The following CHD1 variants were observed in gnomAD, a reference collection of about 807,000 sequenced individuals.
CHD1 encodes chromodomain helicase DNA binding protein 1.
CHD1 carries 36 observed loss-of-function variants against 224.2 expected under a neutral mutation model. The ratio of observed to expected loss-of-function variants is 0.16; its 90% CI spans 0.12 to 0.21. The LOEUF (loss-of-function observed/expected upper bound fraction) is 0.21. Ranked by LOEUF, CHD1 falls within the 10% of genes least tolerant of loss-of-function variation. The pLI is 1.00. For missense variants in CHD1, 1,378 were observed against 1,994.8 expected (o/e 0.69, Z 5.89); for synonymous variants, 668 against 658.3 (o/e 1.01, Z -0.23).
intron 2 of CHD1, among the ~76,000 whole-genome samples, chr5:98,919,000 T>A (rs969939060): frequency 6.6e-6 from 1 of 152,344 alleles, no homozygotes; most frequent in South Asian, 2.1e-4. Context: ...ATATTTAAAC[T>A]GGCTATTCCA....
At chr5:98,917,077 C>G (rs1752778886) in intron 2 of CHD1, among the ~76,000 whole-genome samples, 1 of 152,082 alleles carries the variant, frequency 6.6e-6, no homozygotes, top group Non-Finnish European at 1.5e-5. Flanking sequence ...TTACTTCACT[C>G]TTCTCCAATG....
intron 1 of CHD1, among the ~76,000 whole-genome samples, chr5:98,927,267 A>G (rs180978780): frequency 6.6e-6 from 1 of 152,344 alleles, no homozygotes; most frequent in Admixed American, 6.5e-5. Context: ...CCACCTTTAA[A>G]GATTTCAGTA....
intron 11 of CHD1, among the ~76,000 whole-genome samples, 180 bp downstream of exon 11, chr5:98,897,013 T>C (rs1182057676): frequency 6.6e-6 from 1 of 152,144 alleles, no homozygotes; most frequent in African/African-American, 2.4e-5. Flanking sequence ...AAACTCCAAC[T>C]CCACTGGATT....
At chr5:98,912,693 TAAAG>T (rs765984341) in intron 2 of CHD1, among the ~76,000 whole-genome samples, 40 of 152,002 alleles carry the variant, frequency 2.6e-4, no homozygotes, top group Non-Finnish European at 4.3e-4. Flanking sequence ...TAAAATAAAA[TAAAG>T]AAAGCAAAGT....
At chr5:98,902,684 G>C (rs1454128643) in intron 5 of CHD1, among the ~76,000 whole-genome samples, 1 of 151,988 alleles carries the variant, frequency 6.6e-6, no homozygotes, top group Non-Finnish European at 1.5e-5. Flanking sequence ...AGTTACAGGA[G>C]ATAAAGAAAT....
Position 98,889,168 on chromosome 5 carries a change from T to C in CHD1, c.2251A>G (p.Ile751Val), listed in dbSNP as rs1300110517. ...CAACATTTCTTTAGCTCCATCATAA[T>C]GTTCAAAAAGCCTGAGGTACTGCCC... ...SKGSTSGFLN[I>V]MMELKKCCNH... Residue 751 changes from isoleucine (I) to valine (V), a missense_variant, in exon 16 of 36, where the codon ATT (isoleucine) becomes GTT (valine). Transcript: ENST00000614616. 3 of 1,610,002 alleles carry C rather than the reference T, an allele frequency of 1.9e-6. No individual in the cohort carries two copies. Among genetic ancestry groups the C allele is most frequent in the Non-Finnish European group, 8.5e-7 (1 of 1,176,802 alleles).
intron 32 of CHD1, among the ~76,000 whole-genome samples, chr5:98,861,429 T>C (rs1365956072): frequency 1.3e-5 from 2 of 152,276 alleles, no homozygotes; most frequent in African/African-American, 2.4e-5. Context: ...AAAAAATATA[T>C]TGAAAAAAAT....
At chr5:98,910,672 C>A (rs1310939774) in intron 2 of CHD1, among the ~76,000 whole-genome samples, 2 of 152,040 alleles carry the variant, frequency 1.3e-5, no homozygotes, top group Non-Finnish European at 2.9e-5. Flanking sequence ...TTATATTCCC[C>A]TTTCACAAAT....
At chr5:98,899,879 G>A (rs114260985) in intron 7 of CHD1, among the ~76,000 whole-genome samples, 174 bp from the exon 8 acceptor site, 2,545 of 152,078 alleles carry the variant, frequency 0.017, 64 homozygotes, top group African/African-American at 0.058. Flanking sequence ...GAGAATTTCA[G>A]AATTATCTAA....
At chr5:98,858,110 A>C (rs1468839863) in intron 35 of CHD1, 70 bp downstream of exon 35, 41 of 1,236,858 alleles carry the variant, frequency 3.3e-5, no homozygotes, top group Middle Eastern at 1.9e-4. Context: ...TGACAGGTCA[A>C]ATACAGGAAC....
chr5:98,883,347 T>A, intron 18 of CHD1, 110 bp from the exon 19 acceptor site: 1 of 561,904 alleles, frequency 1.8e-6, no homozygotes, highest in Non-Finnish European at 3.0e-6. Flanking sequence ...AATAAACATC[T>A]AGCAAGACCA....
chr5:98,918,060 C>CT lies in CHD1; in HGVS notation c.53+8273dup, dbSNP rs11301847. Among the ~76,000 whole-genome samples, 652 of 139,920 alleles carry CT rather than the reference C, an allele frequency of 4.7e-3. 1 individual carries two copies. Among genetic ancestry groups the CT allele is most frequent in the Admixed American group, 0.011 (157 of 13,986 alleles). The allele number at this position is 139,920 out of a possible 152,430, so 91.8% of individuals were successfully genotyped here. ...CACCTGGAACTAAGTCACAGAAAAA[C>CT]TTTTTTTTTTTTTTTGAGATGGAGT... is the stretch of plus-strand genomic sequence containing the variant. On this transcript the variant is annotated intron_variant, in intron 2 of 35. Transcript: ENST00000614616.
chr5:98,904,843 T>C, intron 3 of CHD1, 54 bp downstream of exon 3: 9 of 1,501,760 alleles, frequency 6.0e-6, no homozygotes, highest in Non-Finnish European at 8.3e-6. Flanking sequence ...ATCCTCTAAA[T>C]TTTCCCAAAG....
intron 4 of CHD1, 136 bp from the exon 5 acceptor site, chr5:98,903,100 A>G (rs1323267640): frequency 2.0e-6 from 1 of 508,790 alleles, no homozygotes; most frequent in Non-Finnish European, 3.4e-6. Context: ...ATGTAGTTTT[A>G]TTTATGTTAA....
At chr5:98,860,107 G>T in intron 32 of CHD1, 39 bp from the exon 33 acceptor site, 1 of 1,161,534 alleles carries the variant, frequency 8.6e-7, no homozygotes, top group Non-Finnish European at 1.3e-6. Flanking sequence ...AGTTAGTCTG[G>T]TGGAAAATAT....
At chr5:98,887,972 A>T (rs1750762730) in intron 17 of CHD1, 116 bp downstream of exon 17, 1 of 583,692 alleles carries the variant, frequency 1.7e-6, no homozygotes, top group Admixed American at 4.1e-5. Flanking sequence ...CTTTTTAAAG[A>T]AAAAGTACAG....
In CHD1 at chr5:98,903,885, A is replaced by T. The variant is rs944228234; in HGVS notation, c.279T>A (p.Ile93=). 1 of 1,608,324 alleles carries T rather than the reference A, an allele frequency of 6.2e-7. No individual in the cohort carries two copies. Among genetic ancestry groups the T allele is most frequent in the Admixed American group, 1.7e-5 (1 of 59,380 alleles). The change falls in exon 4 of 36, where the codon ATT becomes ATA. Residue 93 remains isoleucine (I), a synonymous_variant. Coordinates refer to ENST00000614616, the MANE Select transcript of CHD1 (RefSeq NM_001270.4). Reference sequence around the variant, plus strand: ...GGATTGCAGATCTCTGAACGGCCAGAATACTAGGACTAGATTTCCAAAACT... The same window carrying T: ...GGATTGCAGATCTCTGAACGGCCAGTATACTAGGACTAGATTTCCAAAACT... The part of the protein sequence containing the change: ...GAEFWKSSPS[I]LAVQRSAILK...
In CHD1 at chr5:98,888,189, G is replaced by A; in HGVS notation, c.2395C>T (p.Arg799Cys). 1 of 1,610,686 alleles carries A rather than the reference G, an allele frequency of 6.2e-7. No homozygotes were observed. Among genetic ancestry groups the A allele is most frequent in the Non-Finnish European group, 8.5e-7 (1 of 1,177,902 alleles). ...ACTCGATTGCCTCGTTCTCTTAGGC[G>A]AATTAATAGCTTGTCAAGAAGAATC... ...KLILLDKLLI[R>C]LRERGNRVLI... is the part of the protein sequence containing the mutation. Residue 799 changes from arginine (R) to cysteine (C), a missense_variant, in exon 17 of 36, where the codon CGC becomes TGC. By Grantham distance (180) the Arg-to-Cys change is radical. Around this residue, in one of 16 missense-constraint regions of CHD1, gnomAD observed 57 missense variants for 177.2 expected, o/e 0.32. Transcript: ENST00000614616.
At position 98,858,161 on chromosome 5, in the gene CHD1, A is replaced by G; in HGVS notation, c.4787+19T>C. The G allele has an allele frequency of 6.2e-7, 1 of 1,607,376 alleles. No individual in the cohort carries two copies. The highest frequency in any genetic ancestry group is 1.1e-5 in the South Asian group (1 of 90,744). On this transcript the variant is annotated intron_variant, in intron 35 of 35. Coordinates refer to ENST00000614616, the MANE Select transcript of CHD1 (RefSeq NM_001270.4). ...AAAACATGCATAAGCAAAATTTCTA[A>G]AGTGACTGCCAAGTTTACCTGCTGT...
Sources: allele counts gnomAD v4.1 joint callset (sites outside exome capture counted in the v4.1 genomes callset), GRCh38; gene constraint gnomAD v4.1.1; regional missense constraint gnomAD v4.1.1; transcripts MANE v1.5; gene names NCBI Gene and HGNC (gene_info 2026-07-23, HGNC 2026-07-21).